NOL7: variants seen among roughly 807,000 people sequenced by gnomAD.
NOL7 encodes the protein nucleolar protein 7.
Under a neutral mutation model 38.4 loss-of-function variants are expected in NOL7, and 36 were observed. The observed-to-expected ratio is 0.94, with a 90% CI of 0.72 to 1.24. NOL7 has a LOEUF of 1.24. Ranked by LOEUF, NOL7 falls within the 50% of genes most tolerant of loss-of-function variation. The pLI, the probability that NOL7 is intolerant of heterozygous loss-of-function variation, is 0.00. For synonymous variants in NOL7, 142 were observed against 126.5 expected (o/e 1.12, Z -0.82); for missense variants, 350 against 315.1 (o/e 1.11, Z -0.84).
downstream of NOL7, among the ~76,000 whole-genome samples, chr6:13,626,413 A>G (rs1170703287): frequency 1.3e-5 from 2 of 152,184 alleles, no homozygotes; most frequent in Non-Finnish European, 2.9e-5. Flanking sequence ...TTCAAGTCCA[A>G]GCTCCACCAC....
rs1157025506 is a variant in NOL7 at position 13,620,840 on chromosome 6, T to G, written c.*13T>G. 4 of 1,483,146 alleles carry G rather than the reference T, an allele frequency of 2.7e-6. No homozygotes were observed. The highest frequency in any genetic ancestry group is 3.7e-6 in the Non-Finnish European group (4 of 1,073,140). 91.9% of individuals were successfully genotyped at this position (1,483,146 alleles called of 1,614,324 possible). ...AACTAAGAAGTAAATCAATGCTAAA[T>G]GAAGAATCTGTACTTTGTATGTATA... On this transcript the variant is annotated 3_prime_UTR_variant, in exon 8 of 8. Transcript: ENST00000451315.
chr6:13,618,237 A>T (rs930258267), intron 5 of NOL7, 98 bp downstream of exon 5: 6 of 431,266 alleles, frequency 1.4e-5, no homozygotes, highest in Non-Finnish European at 2.4e-5. Flanking sequence ...ATTTTATTTT[A>T]TTTTTATTTT....
At chr6:13,626,359 C>T (rs1356832174), downstream of NOL7, among the ~76,000 whole-genome samples, 2 of 152,144 alleles carry the variant, frequency 1.3e-5, no homozygotes, top group Non-Finnish European at 2.9e-5. Context: ...TTTTTGTCTT[C>T]TTTCTATGGG....
At chr6:13,618,784 C>G (rs1010205981) in intron 5 of NOL7, among the ~76,000 whole-genome samples, 2 of 152,208 alleles carry the variant, frequency 1.3e-5, no homozygotes, top group East Asian at 1.9e-4. Flanking sequence ...CCAGCTACTC[C>G]AGAGGCCAAG....
chr6:13,632,323 T>C (rs1206466904), intron 8 of NOL7: 19 of 1,572,272 alleles, frequency 1.2e-5, no homozygotes, highest in Non-Finnish European at 1.6e-5. Context: ...AACTACATTT[T>C]AGTTCCTCTG....
Position 13,620,298 on chromosome 6 carries a change from A to G in NOL7, c.591A>G (p.Ser197=), listed in dbSNP as rs1482864053. 1 of 1,614,212 alleles carries G rather than the reference A, an allele frequency of 6.2e-7. No homozygotes were observed. The highest frequency in any genetic ancestry group is 8.5e-7 in the Non-Finnish European group (1 of 1,180,034). The change falls in exon 6 of 8, where the codon TCA becomes TCG. Residue 197 remains serine (S), a synonymous_variant. Transcript: ENST00000451315. ...QQAAQAFIHN[S]LYGPGTNRTT... is the part of the protein sequence containing the mutation. ...CAGCACAAGCCTTCATACATAATTC[A>G]TTATATGGGCCAGGAACCAACAGGA...
downstream of NOL7, among the ~76,000 whole-genome samples, chr6:13,624,874 G>A (rs990420958): frequency 7.2e-5 from 11 of 152,098 alleles, no homozygotes; most frequent in African/African-American, 2.7e-4. Context: ...GATCCTGCCG[G>A]GTACTCACAA....
At chr6:13,615,892 C>T (rs1764269130) in intron 2 of NOL7, 120 bp downstream of exon 2, 11 of 1,038,056 alleles carry the variant, frequency 1.1e-5, no homozygotes, top group Non-Finnish European at 1.5e-5. Flanking sequence ...AAGATTGCCT[C>T]TGACAGTGGT....
At position 13,620,109 on chromosome 6, in the gene NOL7, G is replaced by A. The variant is rs147803121; in HGVS notation, c.501-99G>A. 5.0e-4 allele frequency: 667 copies of A among 1,344,752 alleles called. 1 individual carries two copies. In the African/African-American group the frequency reaches 8.6e-3, roughly 17 times the overall value. 83.3% of individuals were successfully genotyped at this position (1,344,752 alleles called of 1,614,324 possible). A position where few individuals can be genotyped will look rare whatever the true frequency, so the allele number is the denominator to read the frequency against. ...GCAGAAGTTGCAGTGAGCTGAGATCGCGCAGCCTGGGTGACAGAGCGAGAC... is the reference window on the plus strand; with the variant it reads ...GCAGAAGTTGCAGTGAGCTGAGATCACGCAGCCTGGGTGACAGAGCGAGAC... On this transcript the variant is annotated intron_variant, in intron 5 of 7. Transcript: ENST00000451315.
At position 13,615,355 on chromosome 6, in the gene NOL7, G is replaced by A. The variant is rs1057229093; in HGVS notation, c.-4G>A. ...AGGTCAGACGGTCTAGCGCTGCGTG[G>A]GCCATGGTGCAGCTCCGACCGCGAG... On this transcript the variant is annotated 5_prime_UTR_variant, in exon 1 of 8. Transcript: ENST00000451315. The A allele has an allele frequency of 6.8e-7, 1 of 1,481,448 alleles. No homozygotes were observed. Among genetic ancestry groups the A allele is most frequent in the Non-Finnish European group, 8.9e-7 (1 of 1,121,172 alleles). The allele number at this position is 1,481,448 out of a possible 1,614,324, so 91.8% of individuals were successfully genotyped here.
chr6:13,629,419 CTG>C (rs1367810236), intron 8 of NOL7, among the ~76,000 whole-genome samples: 2 of 152,132 alleles, frequency 1.3e-5, no homozygotes, highest in African/African-American at 4.8e-5. Flanking sequence ...AGGCACAAAA[CTG>C]AAAATACCTG....
At chr6:13,629,913 CTCTCTCTCGT>C (rs1437644385) in intron 8 of NOL7, among the ~76,000 whole-genome samples, 3 of 125,054 alleles carry the variant, frequency 2.4e-5, no homozygotes, top group East Asian at 3.4e-4. Context: ...CTCTCTCTCT[CTCTCTCTCGT>C]GTGTGTGTGT....
chr6:13,617,302 CT>C lies in NOL7; in HGVS notation c.387-466del, dbSNP rs540152108. 3.5e-3 allele frequency among the ~76,000 whole-genome samples: 527 copies of C among 151,008 alleles called. 2 individuals are homozygous for C. Among genetic ancestry groups the C allele is most frequent in the African/African-American group, 0.012 (500 of 40,884 alleles). On this transcript the variant is annotated intron_variant, in intron 3 of 7. Coordinates refer to ENST00000451315, the MANE Select transcript of NOL7 (RefSeq NM_016167.5). ...GTGTGGCCTTTCTCCTGTGCAAATGCTTCTGTATTGTATTCTGTCCATTTAC... is the reference window on the plus strand; with the variant it reads ...GTGTGGCCTTTCTCCTGTGCAAATGCTCTGTATTGTATTCTGTCCATTTAC...
At position 13,617,755 on chromosome 6, in the gene NOL7, G is replaced by GT. The variant is rs201992657; in HGVS notation, c.387-7dup. On this transcript the variant is annotated splice_polypyrimidine_tract_variant and intron_variant, in intron 3 of 7. Transcript: ENST00000451315. ...TACTGCCATTGCAGTCAGTGGTTTT[G>GT]TTTTTTTTCCTTAGCATCAAGAAAT... 59 of 1,610,010 alleles carry GT rather than the reference G, an allele frequency of 3.7e-5. No individual in the cohort carries two copies. The East Asian group carries it at 5.6e-4, about 15-fold the overall frequency.
At chr6:13,620,552 G>C (rs528276563) in intron 7 of NOL7, 67 bp downstream of exon 7, 1 of 1,456,272 alleles carries the variant, frequency 6.9e-7, no homozygotes, top group Non-Finnish European at 9.6e-7. Flanking sequence ...TTTTGAAGGA[G>C]ATAGTTCATA....
Position 13,620,725 on chromosome 6 carries a change from T to C in NOL7, c.701-29T>C, listed in dbSNP as rs371259279. The C allele has an allele frequency of 1.2e-4, 177 of 1,434,440 alleles. No individual in the cohort carries two copies. The African/African-American group carries it at 2.1e-3, about 17-fold the overall frequency. The allele number at this position is 1,434,440 out of a possible 1,614,324, so 88.9% of individuals were successfully genotyped here. On this transcript the variant is annotated intron_variant, in intron 7 of 7. Transcript: ENST00000451315. ...AATTTTGAATTATGTTTTTCTAATA[T>C]ACTTACTGCAGAAAACTTTATATTC...
At position 13,620,756 on chromosome 6, in the gene NOL7, A is replaced by T. The variant is rs1187468961; in HGVS notation, c.703A>T (p.Ile235Phe). 1 of 1,589,568 alleles carries T rather than the reference A, an allele frequency of 6.3e-7. No individual in the cohort carries two copies. Among genetic ancestry groups the T allele is most frequent in the Admixed American group, 1.8e-5 (1 of 55,502 alleles). The change falls in exon 8 of 8, where the codon ATC becomes TTC. Residue 235 changes from isoleucine (I) to phenylalanine (F), a missense_variant and splice_region_variant. Coordinates refer to ENST00000451315, the MANE Select transcript of NOL7 (RefSeq NM_016167.5). Reference protein sequence around the residue: ...AVQFLNNAWGIQKKQNAKRFK... With the variant: ...AVQFLNNAWGFQKKQNAKRFK... ...CTGCAGAAAACTTTATATTCTAGGA[A>T]TCCAAAAAAAACAAAATGCCAAGAG...
At chr6:13,618,527 G>A (rs1271235659) in intron 5 of NOL7, among the ~76,000 whole-genome samples, 1 of 152,098 alleles carries the variant, frequency 6.6e-6, no homozygotes, top group African/African-American at 2.4e-5. Context: ...GATTACAGGC[G>A]TGAGCCACCG....
At position 13,615,472 on chromosome 6, in the gene NOL7, G is replaced by A. The variant is rs1450748398; in HGVS notation, c.114G>A (p.Gly38=). 3.2e-6 allele frequency: 5 copies of A among 1,551,080 alleles called. No homozygotes were observed. The highest frequency in any genetic ancestry group is 2.0e-5 in the Admixed American group (1 of 51,042). Residue 38 remains glycine, a synonymous_variant, in exon 1 of 8, where the codon GGG becomes GGA. Transcript: ENST00000451315. ...EEEAEHGLLL[G]QPSSGAAAEP... ...AGGCGGAGCACGGGCTGTTGCTCGG[G>A]CAGCCCAGCAGCGGCGCGGCCGCCG...
Sources: gnomAD v4.1 joint callset for allele counts (sites outside exome capture counted in the v4.1 genomes callset) on GRCh38, gnomAD v4.1.1 for gene constraint, MANE v1.5 for transcripts, NCBI Gene and HGNC (gene_info 2026-07-23, HGNC 2026-07-21) for gene names.